The following KLHL32 variants were observed in gnomAD, a reference collection of about 807,000 sequenced individuals.
The protein encoded by KLHL32 is kelch-like protein 32.
Under a neutral mutation model 64.8 loss-of-function variants are expected in KLHL32, and 35 were observed. The ratio of observed to expected loss-of-function variants is 0.54; its 90% CI spans 0.41 to 0.72. KLHL32 has a LOEUF of 0.72. Ranked by LOEUF, KLHL32 falls within the 30% of genes least tolerant of loss-of-function variation. KLHL32 has a pLI of 0.00. For synonymous variants in KLHL32, 259 were observed against 281.0 expected (o/e 0.92, Z 0.78); for missense variants, 589 against 768.5 (o/e 0.77, Z 2.76).
At chr6:97,003,540 G>A (rs1345930900) in intron 3 of KLHL32, among the ~76,000 whole-genome samples, 5 of 152,006 alleles carry the variant, frequency 3.3e-5, no homozygotes, top group Middle Eastern at 3.4e-3. Context: ...AATTGCTTTC[G>A]GCATCTTTGT....
intron 3 of KLHL32, among the ~76,000 whole-genome samples, chr6:97,016,434 G>T (rs1386640153): frequency 6.6e-6 from 1 of 152,206 alleles, no homozygotes; most frequent in Non-Finnish European, 1.5e-5. Flanking sequence ...TGCCTTGTTG[G>T]ATTTCAGACT....
chr6:97,046,386 G>A (rs1216643633), intron 4 of KLHL32, among the ~76,000 whole-genome samples: 2 of 148,884 alleles, frequency 1.3e-5, no homozygotes, highest in African/African-American at 5.1e-5. Context: ...ATTATAATCT[G>A]TCATTAAGAA....
intron 4 of KLHL32, among the ~76,000 whole-genome samples, chr6:97,048,328 C>T (rs940616817): frequency 6.6e-6 from 1 of 152,170 alleles, no homozygotes; most frequent in Non-Finnish European, 1.5e-5. Flanking sequence ...GTAACTCCAG[C>T]CCTTGGCTTC....
At chr6:97,139,076 G>A (rs1486985929) in intron 10 of KLHL32, 45 bp from the exon 11 acceptor site, 1 of 1,556,512 alleles carries the variant, frequency 6.4e-7, no homozygotes, top group East Asian at 2.3e-5. Flanking sequence ...TTTATTTTGA[G>A]CAGTCATCTT....
chr6:97,090,822 G>A (rs1933454), intron 6 of KLHL32, among the ~76,000 whole-genome samples: 130,752 of 152,288 alleles, frequency 0.86, 56,231 homozygotes, highest in East Asian at 1. Flanking sequence ...CTTGAGCTAT[G>A]TCTACTTTGG....
chr6:96,974,566 A>G (rs1052186411), intron 2 of KLHL32, among the ~76,000 whole-genome samples: 9 of 152,308 alleles, frequency 5.9e-5, no homozygotes, highest in Non-Finnish European at 1.3e-4. Context: ...TCCCACAGGA[A>G]CTTCCTATAT....
chr6:96,941,869 G>A (rs1401418054), intron 1 of KLHL32, among the ~76,000 whole-genome samples: 1 of 152,068 alleles, frequency 6.6e-6, no homozygotes, highest in East Asian at 1.9e-4. Flanking sequence ...GTGTAATTGG[G>A]ATGAGGGGTC....
At chr6:97,009,708 G>A (rs1381546840) in intron 3 of KLHL32, among the ~76,000 whole-genome samples, 1 of 152,198 alleles carries the variant, frequency 6.6e-6, no homozygotes, top group Non-Finnish European at 1.5e-5. Context: ...TTGCTGGACA[G>A]TAGAAGGAAA....
At chr6:97,100,916 C>T (rs1795627648) in intron 6 of KLHL32, among the ~76,000 whole-genome samples, 2 of 149,366 alleles carry the variant, frequency 1.3e-5, no homozygotes, top group Admixed American at 6.7e-5. Flanking sequence ...GATCCCTCCA[C>T]CTCAGACTCC....
At position 97,104,093 on chromosome 6, in the gene KLHL32, T is replaced by C. The variant is rs74375949; in HGVS notation, c.628-9690T>C. Among the ~76,000 whole-genome samples the C allele has an allele frequency of 3.4e-3, 513 of 152,380 alleles. 7 individuals are homozygous for C. The highest frequency in any genetic ancestry group is 0.012 in the African/African-American group (488 of 41,594). The stretch of plus-strand genomic sequence containing the variant: ...GGCTGAATCTCACAAGTAGAGAAGA[T>C]ATCACAGGTTATTAACCTCACCTCT... On this transcript the variant is annotated intron_variant, in intron 6 of 10. Coordinates refer to ENST00000369261, the MANE Select transcript of KLHL32 (RefSeq NM_052904.4).
At chr6:96,919,416 T>C in the KLHL32 span, among the ~76,000 whole-genome samples, 1 of 152,226 alleles carries the variant, frequency 6.6e-6, no homozygotes, top group Non-Finnish European at 1.5e-5. Context: ...GTAGATTTCT[T>C]GAGTCTATGC....
chr6:97,005,521 G>A (rs1411253744), intron 3 of KLHL32, among the ~76,000 whole-genome samples: 1 of 152,042 alleles, frequency 6.6e-6, no homozygotes, highest in Non-Finnish European at 1.5e-5. Flanking sequence ...TCTTCTGCTA[G>A]CTTTGGGAGT....
intron 1 of KLHL32, among the ~76,000 whole-genome samples, chr6:96,942,208 C>T (rs1771376322): frequency 6.6e-6 from 1 of 152,194 alleles, no homozygotes; most frequent in South Asian, 2.1e-4. Flanking sequence ...AGCCCAAGAT[C>T]TGCTGGCCCC....
intron 1 of KLHL32, among the ~76,000 whole-genome samples, chr6:96,948,835 T>C (rs551502819): frequency 6.6e-6 from 1 of 152,248 alleles, no homozygotes; most frequent in Non-Finnish European, 1.5e-5. Flanking sequence ...CCAAGCCTAT[T>C]GACTGAGCCA....
At chr6:97,007,679 C>A (rs186037225) in intron 3 of KLHL32, among the ~76,000 whole-genome samples, 16 of 152,208 alleles carry the variant, frequency 1.1e-4, no homozygotes, top group African/African-American at 3.4e-4. Flanking sequence ...ATCTTTGATA[C>A]CCTTGGGAGT....
intron 3 of KLHL32, among the ~76,000 whole-genome samples, chr6:97,014,278 G>A (rs1357639095): frequency 6.7e-6 from 1 of 149,874 alleles, no homozygotes; most frequent in Non-Finnish European, 1.5e-5. Context: ...CTGGGTGACA[G>A]AGCGAGACTC....
At chr6:97,102,293 C>T (rs1451707447) in intron 6 of KLHL32, among the ~76,000 whole-genome samples, 2 of 152,210 alleles carry the variant, frequency 1.3e-5, no homozygotes, top group South Asian at 2.1e-4. Flanking sequence ...CCTGGTAATG[C>T]ATCCTTATTG....
At chr6:97,046,441 A>C (rs2128132112) in intron 4 of KLHL32, among the ~76,000 whole-genome samples, 1 of 152,172 alleles carries the variant, frequency 6.6e-6, no homozygotes, top group South Asian at 2.1e-4. Context: ...GGAGGCAGAA[A>C]AGTGTTTGGG....
chr6:97,128,775 C>T (rs953044916), intron 8 of KLHL32, among the ~76,000 whole-genome samples: 4 of 152,250 alleles, frequency 2.6e-5, no homozygotes, highest in Non-Finnish European at 4.4e-5. Context: ...TTTGCCTTTG[C>T]AGCGGTTGGT....
Sources: gnomAD v4.1 joint callset for allele counts (sites outside exome capture counted in the v4.1 genomes callset) on GRCh38, gnomAD v4.1.1 for gene constraint, MANE v1.5 for transcripts, NCBI Gene and HGNC (gene_info 2026-07-23, HGNC 2026-07-21) for gene names.